EFR3B: variants seen among roughly 807,000 people sequenced by gnomAD.
EFR3B encodes the protein protein EFR3 homolog B.
Under a neutral mutation model 104.7 loss-of-function variants are expected in EFR3B, and 64 were observed. The ratio of observed to expected loss-of-function variants is 0.61; its 90% CI spans 0.50 to 0.75. The LOEUF (loss-of-function observed/expected upper bound fraction) is 0.75. Ranked by LOEUF, EFR3B falls within the 30% of genes least tolerant of loss-of-function variation. The pLI is 0.00. For synonymous variants in EFR3B, 385 were observed against 417.9 expected, an observed-to-expected ratio of 0.92 and a Z score of 0.96; for missense variants, 750 against 1,078.5, an observed-to-expected ratio of 0.70 and a Z score of 4.27.
intron 3 of EFR3B, among the ~76,000 whole-genome samples, chr2:25,100,743 C>T (rs1414514006): frequency 6.6e-5 from 10 of 152,170 alleles, no homozygotes; most frequent in South Asian, 2.1e-4. Context: ...CTGCCCGCCT[C>T]GGCCTCCCAA....
chr2:25,120,737 C>G (rs557234413), intron 4 of EFR3B, among the ~76,000 whole-genome samples: 11 of 152,216 alleles, frequency 7.2e-5, no homozygotes, highest in Non-Finnish European at 1.6e-4. Flanking sequence ...ACTGTTGCTT[C>G]TCTGCAGGAC....
At chr2:25,080,576 G>A (rs1272033088) in intron 1 of EFR3B, 4 of 515,940 alleles carry the variant, frequency 7.8e-6, no homozygotes, top group Non-Finnish European at 1.4e-5. Context: ...TTACAGGCAT[G>A]AGCCACCACT....
chr2:25,130,495 T>A lies in EFR3B; in HGVS notation c.771-57T>A, dbSNP rs973041812. 3 of 1,423,730 alleles carry A rather than the reference T, an allele frequency of 2.1e-6. No individual in the cohort carries two copies. The African/African-American group carries it at 4.3e-5, about 20-fold the overall frequency. The allele number at this position is 1,423,730 out of a possible 1,614,324, so 88.2% of individuals were successfully genotyped here. On this transcript the variant is annotated intron_variant, in intron 7 of 22. Transcript: ENST00000403714. The surrounding 1 kb of genome is among the most constrained non-coding windows in gnomAD (Gnocchi z 4.6). ...TCCCTCTGCCTCCAAGCTAATCTCT[T>A]CTCCCTAACACTGCCGGGAGTTTCA...
chr2:25,131,915 C>A lies in EFR3B; in HGVS notation c.1147+4C>A, dbSNP rs1461017672. The A allele has an allele frequency of 8.7e-7, 1 of 1,149,972 alleles. No individual in the cohort carries two copies. Among genetic ancestry groups the A allele is most frequent in the Non-Finnish European group, 1.1e-6 (1 of 907,954 alleles). 71.2% of individuals were successfully genotyped at this position (1,149,972 alleles called of 1,614,324 possible). On this transcript the variant is annotated splice_donor_region_variant and intron_variant, in intron 10 of 22. Transcript: ENST00000403714. This position sits in a 1 kb window ranked among gnomAD's most constrained non-coding sequence, Gnocchi z 7.6. ...GAGGCCGTCATCAAGACCGTGGGTG[C>A]GGCGCGGGGCCGGGCCGGGGCGGGG...
Position 25,131,141 on chromosome 2 carries a change from G to T in EFR3B, c.850-227G>T, listed in dbSNP as rs1363341652. On this transcript the variant is annotated intron_variant, in intron 8 of 22. Transcript: ENST00000403714. This position sits in a 1 kb window ranked among gnomAD's most constrained non-coding sequence, Gnocchi z 7.6. ...TCTTTTGACCAATTTTGAAGTAAAA[G>T]GGCCCTGGAAAACTGTCAGCTGAGG... 6.6e-6 allele frequency among the ~76,000 whole-genome samples: 1 copy of T among 152,224 alleles called. No individual in the cohort carries two copies. The highest frequency in any genetic ancestry group is 1.5e-5 in the Non-Finnish European group (1 of 68,044).
chr2:25,140,128 C>T (rs752322428), intron 16 of EFR3B, among the ~76,000 whole-genome samples: 4 of 152,078 alleles, frequency 2.6e-5, no homozygotes, highest in Non-Finnish European at 5.9e-5. Context: ...GCCTGGGCAA[C>T]ATGGTGAACC....
chr2:25,140,923 CT>C (rs1670644115), intron 16 of EFR3B, among the ~76,000 whole-genome samples: 1 of 151,998 alleles, frequency 6.6e-6, no homozygotes, highest in South Asian at 2.1e-4. Flanking sequence ...CACCTGCAGT[CT>C]CAGTTACTCG....
At position 25,130,450 on chromosome 2, in the gene EFR3B, C is replaced by T. The variant is rs539862171; in HGVS notation, c.771-102C>T. On this transcript the variant is annotated intron_variant, in intron 7 of 22. Coordinates refer to ENST00000403714, the MANE Select transcript of EFR3B (RefSeq NM_014971.2). The surrounding 1 kb of genome is among the most constrained non-coding windows in gnomAD (Gnocchi z 4.6). ...TTCACTTCCTCACCCGGGAACTGTG[C>T]GAGGGGCTCTGAGAAGGTGTCCCTC... 7.5e-6 allele frequency: 8 copies of T among 1,059,898 alleles called. No individual in the cohort carries two copies. Among genetic ancestry groups the T allele is most frequent in the African/African-American group, 3.1e-5 (2 of 63,622 alleles). The allele number at this position is 1,059,898 out of a possible 1,614,324, so 65.7% of individuals were successfully genotyped here.
chr2:25,079,091 A>T (rs936468349), intron 1 of EFR3B, among the ~76,000 whole-genome samples: 1 of 152,190 alleles, frequency 6.6e-6, no homozygotes, highest in African/African-American at 2.4e-5. Context: ...AAGATGAAGC[A>T]ACTGTCCCCA....
At chr2:25,119,341 AC>A (rs1669952424) in intron 4 of EFR3B, among the ~76,000 whole-genome samples, 1 of 152,214 alleles carries the variant, frequency 6.6e-6, no homozygotes, top group Non-Finnish European at 1.5e-5. Flanking sequence ...GTGGACAGAC[AC>A]CCTGACCGGA....
chr2:25,144,910 T>G (rs1350954076), intron 18 of EFR3B, 50 bp from the exon 19 acceptor site: 2 of 1,523,554 alleles, frequency 1.3e-6, no homozygotes, highest in African/African-American at 2.8e-5. Context: ...AGCTCAGTCC[T>G]GGATCTCTGA....
chr2:25,082,755 C>T (rs1012005210), intron 1 of EFR3B, among the ~76,000 whole-genome samples: 1 of 152,206 alleles, frequency 6.6e-6, no homozygotes, highest in Non-Finnish European at 1.5e-5. Context: ...AAAGGTCTCA[C>T]TCTTGAGGAG....
In EFR3B at chr2:25,154,672, T is replaced by G; in HGVS notation, c.*332T>G. The stretch of plus-strand genomic sequence containing the variant: ...AGAAGCTCCTACTTGGTGTTTTGAG[T>G]GAAGGGCATGTCCTCCCCAGAGGAC... On this transcript the variant is annotated 3_prime_UTR_variant, in exon 23 of 23. Coordinates refer to ENST00000403714, the MANE Select transcript of EFR3B (RefSeq NM_014971.2). The surrounding 1 kb of genome is among the most constrained non-coding windows in gnomAD (Gnocchi z 4.1). 3.9e-6 allele frequency: 1 copy of G among 258,562 alleles called. No individual in the cohort carries two copies. The highest frequency in any genetic ancestry group is 8.5e-5 in the South Asian group (1 of 11,808). 16.0% of individuals were successfully genotyped at this position (258,562 alleles called of 1,614,324 possible).
At chr2:25,122,521 A>G (rs992886072) in intron 5 of EFR3B, among the ~76,000 whole-genome samples, 3 of 151,898 alleles carry the variant, frequency 2.0e-5, no homozygotes, top group Non-Finnish European at 4.4e-5. Context: ...TCCCAGCTGC[A>G]TTCTCCACTC....
chr2:25,081,259 C>T, intron 1 of EFR3B: 1 of 1,042,960 alleles, frequency 9.6e-7, no homozygotes, highest in Non-Finnish European at 1.5e-6. Flanking sequence ...CCTTTGAGGC[C>T]ACTTTCAAAT....
intron 1 of EFR3B, among the ~76,000 whole-genome samples, chr2:25,066,720 C>A (rs1485847342): frequency 6.6e-6 from 1 of 152,214 alleles, no homozygotes; most frequent in Non-Finnish European, 1.5e-5. Flanking sequence ...CATTCTATTT[C>A]TTTTCACCTT....
rs1671097696 is a variant in EFR3B, at chr2:25,154,178, G to A, written c.2349-57G>A. 3 of 1,493,888 alleles carry A rather than the reference G, an allele frequency of 2.0e-6. No homozygotes were observed. Among genetic ancestry groups the A allele is most frequent in the African/African-American group, 2.8e-5 (2 of 71,956 alleles). The allele number at this position is 1,493,888 out of a possible 1,614,324, so 92.5% of individuals were successfully genotyped here. A position where few individuals can be genotyped will look rare whatever the true frequency, so the allele number is the denominator to read the frequency against. On this transcript the variant is annotated intron_variant, in intron 22 of 22. Coordinates refer to ENST00000403714, the MANE Select transcript of EFR3B (RefSeq NM_014971.2). The surrounding 1 kb of genome is among the most constrained non-coding windows in gnomAD (Gnocchi z 4.1). ...ACCTACTCTGTTTGGTTGCACAAGG[G>A]TGGGATCCTAAAATTCTCTTTTCAT...
rs867968189 is a variant in EFR3B, at chr2:25,076,159, T to A, written c.8-15166T>A. On this transcript the variant is annotated intron_variant, in intron 1 of 22. Coordinates refer to ENST00000403714, the MANE Select transcript of EFR3B (RefSeq NM_014971.2). ...CCTCCCACCTCGACCTCCCAAAGTGTTGAGATTACAGGTGTGAGCCACCAT... is the reference window on the plus strand; with the variant it reads ...CCTCCCACCTCGACCTCCCAAAGTGATGAGATTACAGGTGTGAGCCACCAT... 3.9e-5 allele frequency among the ~76,000 whole-genome samples: 6 copies of A among 152,196 alleles called. No homozygotes were observed. The Middle Eastern group carries it at 0.014, about 345-fold the overall frequency.
Position 25,129,957 on chromosome 2 carries a change from G to A in EFR3B, c.636-18G>A. ...AGCCTGCATGCCACCCTCTACCCATGTGCCTCTGTCTCCCCAGCCGGTCTC... is the reference window on the plus strand; with the variant it reads ...AGCCTGCATGCCACCCTCTACCCATATGCCTCTGTCTCCCCAGCCGGTCTC... On this transcript the variant is annotated intron_variant, in intron 6 of 22. Transcript: ENST00000403714. The A allele has an allele frequency of 1.3e-6, 2 of 1,550,918 alleles. No homozygotes were observed. The highest frequency in any genetic ancestry group is 1.7e-6 in the Non-Finnish European group (2 of 1,146,918).
Sources: gnomAD v4.1 joint callset for allele counts (sites outside exome capture counted in the v4.1 genomes callset) on GRCh38, gnomAD v4.1.1 for gene constraint, Gnocchi (gnomAD v3.1) non-coding constraint, MANE v1.5 for transcripts, NCBI Gene and HGNC (gene_info 2026-07-23, HGNC 2026-07-21) for gene names.